The following SCAI variants were observed in gnomAD, a reference collection of about 807,000 sequenced individuals.
SCAI encodes suppressor of cancer cell invasion.
Under a neutral mutation model 92.2 loss-of-function variants are expected in SCAI, and 24 were observed. The ratio of observed to expected loss-of-function variants is 0.26; its 90% confidence interval spans 0.19 to 0.37. The LOEUF (loss-of-function observed/expected upper bound fraction) is 0.37, where lower values mean the gene tolerates loss of function less well. SCAI is among the 10% of genes least tolerant of loss of function. The pLI is 1.00. For synonymous variants in SCAI, 261 were observed against 258.6 expected, an observed-to-expected ratio of 1.01 and a Z score of -0.09; for missense variants, 450 against 736.2, an observed-to-expected ratio of 0.61 and a Z score of 4.50.
intron 9 of SCAI, among the ~76,000 whole-genome samples, chr9:125,015,661 C>G (rs1588153375): frequency 1.3e-5 from 2 of 152,108 alleles, no homozygotes; most frequent in East Asian, 3.9e-4. Flanking sequence ...ACCATTTGAC[C>G]CAGCCATCCC....
intron 2 of SCAI, among the ~76,000 whole-genome samples, chr9:125,108,804 T>A (rs889483561): frequency 4.0e-5 from 6 of 151,424 alleles, no homozygotes; most frequent in Non-Finnish European, 7.4e-5. Flanking sequence ...GGCCGCCCCT[T>A]CTGGGAAGTG....
intron 2 of SCAI, among the ~76,000 whole-genome samples, chr9:125,114,119 G>A (rs1046254756): frequency 3.9e-5 from 6 of 152,156 alleles, no homozygotes; most frequent in Middle Eastern, 3.2e-3. Context: ...AAATTTTCAA[G>A]GTAAATACGG....
chr9:125,117,407 T>C (rs1835066633), intron 2 of SCAI, among the ~76,000 whole-genome samples: 1 of 152,168 alleles, frequency 6.6e-6, no homozygotes, highest in Non-Finnish European at 1.5e-5. Flanking sequence ...GGCTCACGCC[T>C]GTAATTCCAG....
intron 2 of SCAI, among the ~76,000 whole-genome samples, chr9:125,087,860 G>C (rs938038217): frequency 6.6e-6 from 1 of 152,170 alleles, no homozygotes; most frequent in Non-Finnish European, 1.5e-5. Flanking sequence ...ATTAAATGAT[G>C]TGATACCTAG....
chr9:125,010,495 G>A (rs962729812), intron 9 of SCAI, among the ~76,000 whole-genome samples: 31 of 152,206 alleles, frequency 2.0e-4, no homozygotes, highest in African/African-American at 6.5e-4. Context: ...ACCCGCCATT[G>A]CCCAGGCTTG....
At chr9:125,018,633 C>CTATT (rs1213313127) in intron 9 of SCAI, among the ~76,000 whole-genome samples, 166 bp downstream of exon 9, 36 of 152,110 alleles carry the variant, frequency 2.4e-4, no homozygotes, top group African/African-American at 8.0e-4. Flanking sequence ...TCTTTCTAAG[C>CTATT]TATTTAAATA....
At chr9:125,086,162 C>T (rs1017690885) in intron 2 of SCAI, among the ~76,000 whole-genome samples, 3 of 152,178 alleles carry the variant, frequency 2.0e-5, no homozygotes, top group African/African-American at 4.8e-5. Flanking sequence ...TTTGTGTACA[C>T]TCGTCATCCC....
At chr9:125,102,273 ATT>A (rs1219903410) in intron 2 of SCAI, among the ~76,000 whole-genome samples, 1 of 152,184 alleles carries the variant, frequency 6.6e-6, no homozygotes, top group African/African-American at 2.4e-5. Context: ...ACTTTTATTT[ATT>A]TAGCAGCAGA....
At chr9:125,030,099 C>T (rs2131088893) in intron 3 of SCAI, among the ~76,000 whole-genome samples, 1 of 152,284 alleles carries the variant, frequency 6.6e-6, no homozygotes, top group South Asian at 2.1e-4. Flanking sequence ...GTTTGAAAAA[C>T]ACTGCTTTAG....
At chr9:125,048,958 T>A (rs1191840209) in intron 3 of SCAI, among the ~76,000 whole-genome samples, 1 of 151,984 alleles carries the variant, frequency 6.6e-6, no homozygotes, top group Admixed American at 6.6e-5. Context: ...TTGGTCAGAC[T>A]GGTCTCAAAC....
At chr9:125,135,800 T>C (rs1415139661) in intron 2 of SCAI, among the ~76,000 whole-genome samples, 1 of 151,796 alleles carries the variant, frequency 6.6e-6, no homozygotes, top group African/African-American at 2.4e-5. Context: ...AGAAACCCCA[T>C]CTCTACTAAA....
At chr9:124,984,402 C>A (rs1472688010) in intron 14 of SCAI, among the ~76,000 whole-genome samples, 1 of 152,182 alleles carries the variant, frequency 6.6e-6, no homozygotes, top group African/African-American at 2.4e-5. Context: ...GTCTTATAGG[C>A]ACACTTACAG....
In SCAI at chr9:125,136,461, T is replaced by TTC. The variant is rs1554719212; in HGVS notation, c.98+6171_98+6172insGA. Among the ~76,000 whole-genome samples, 5 of 139,484 alleles carry TTC rather than the reference T, an allele frequency of 3.6e-5. No individual in the cohort carries two copies. The East Asian group carries it at 6.2e-4, about 17-fold the overall frequency. 91.5% of individuals were successfully genotyped at this position (139,484 alleles called of 152,430 possible). On this transcript the variant is annotated intron_variant, in intron 2 of 17. Transcript: ENST00000336505. ...AAACTGATACTAATACCTTTCTTTT[T>TTC]TTTTTTTTTTTTTTTTTGAGATGGA... is the stretch of plus-strand genomic sequence containing the variant.
rs567077736 is a variant in SCAI, at chr9:125,110,875, G to A, written c.98+31758C>T. On this transcript the variant is annotated intron_variant, in intron 2 of 17. Transcript: ENST00000336505. ...CTTTGCCTCCACCATGAGTAAAAGC[G>A]CCCTGAGGCCTCCCCAGAAGCAGAT... 3.3e-5 allele frequency among the ~76,000 whole-genome samples: 5 copies of A among 152,118 alleles called. No homozygotes were observed. In the South Asian group the frequency reaches 6.2e-4, roughly 19 times the overall value.
At chr9:124,965,688 C>G (rs140702182) in intron 17 of SCAI, among the ~76,000 whole-genome samples, 7 of 152,312 alleles carry the variant, frequency 4.6e-5, no homozygotes, top group African/African-American at 1.7e-4. Context: ...TTTTACAACA[C>G]TCCTTACTGG....
chr9:125,087,033 T>A (rs1834337453), intron 2 of SCAI, among the ~76,000 whole-genome samples: 1 of 152,126 alleles, frequency 6.6e-6, no homozygotes, highest in Non-Finnish European at 1.5e-5. Context: ...TATTAGACTT[T>A]GGAAAACCAG....
chr9:125,066,073 G>C, intron 2 of SCAI: 1 of 716,332 alleles, frequency 1.4e-6, no homozygotes. Flanking sequence ...ATTGAATAAA[G>C]AAAAAAAGAA....
intron 6 of SCAI, among the ~76,000 whole-genome samples, chr9:125,021,234 G>A (rs138140861): frequency 3.3e-5 from 5 of 152,286 alleles, no homozygotes; most frequent in East Asian, 3.9e-4. Flanking sequence ...AGAATACAAC[G>A]AAGCGTGGAA....
chr9:125,119,375 A>G (rs961640985), intron 2 of SCAI, among the ~76,000 whole-genome samples: 15 of 152,202 alleles, frequency 9.9e-5, no homozygotes, highest in African/African-American at 3.6e-4. Flanking sequence ...ATGAAAATGG[A>G]GTTATCTAGG....
Sources: gnomAD v4.1 joint callset for allele counts (sites outside exome capture counted in the v4.1 genomes callset) on GRCh38, gnomAD v4.1.1 for gene constraint, MANE v1.5 for transcripts, NCBI Gene and HGNC (gene_info 2026-07-23, HGNC 2026-07-21) for gene names.